ZNF28: variants seen among roughly 807,000 people sequenced by gnomAD.
ZNF28 encodes zinc finger protein 28, also known as zinc finger protein KOX24.
A neutral mutation model predicts 7.2 loss-of-function variants in ZNF28; 5 were observed. That is an observed-to-expected ratio of 0.70 (90% CI 0.36 to 1.46). ZNF28 has a LOEUF of 1.46. Among genes scored for constraint, ZNF28 ranks in the 40% most tolerant of loss-of-function variants. The probability of loss-of-function intolerance (pLI) is 0.03; values close to 1 mark genes in which losing one functional copy is unlikely to be tolerated. For missense variants in ZNF28, 879 were observed against 866.6 expected (o/e 1.01, Z -0.18); for synonymous variants, 288 against 292.4 (o/e 0.99, Z 0.15).
chr19:52,820,506 C>T (rs1334978758), intron 1 of ZNF28, among the ~76,000 whole-genome samples: 2 of 152,072 alleles, frequency 1.3e-5, no homozygotes, highest in African/African-American at 2.4e-5. Context: ...TCTCTGCTCT[C>T]CCTGTTAAAT....
chr19:52,799,218 AT>A lies in ZNF28; in HGVS notation c.*469del. 2.6e-6 allele frequency: 1 copy of A among 390,086 alleles called. No homozygotes were observed. The highest frequency in any genetic ancestry group is 5.0e-6 in the Non-Finnish European group (1 of 201,070). The allele number at this position is 390,086 out of a possible 1,614,324, so 24.2% of individuals were successfully genotyped here. On this transcript the variant is annotated 3_prime_UTR_variant, in exon 4 of 4. Transcript: ENST00000457749. ...CTCTCCAATACGAATTGCCTTTTGAATTACAAGGTATGAATTTTGACCAAAG... is the reference window on the plus strand; with the variant it reads ...CTCTCCAATACGAATTGCCTTTTGAATACAAGGTATGAATTTTGACCAAAG...
chr19:52,815,234 G>C (rs1274137275), intron 2 of ZNF28, among the ~76,000 whole-genome samples: 2 of 145,150 alleles, frequency 1.4e-5, no homozygotes, highest in African/African-American at 2.7e-5. Context: ...TAACTATTGG[G>C]CCCGGGCACA....
rs7257656 is a variant in ZNF28 at position 52,808,142 on chromosome 19, G to A, written c.16-9C>T. 0.89 allele frequency: 1,441,961 copies of A among 1,611,984 alleles called. 646,636 individuals are homozygous for A. The highest frequency in any genetic ancestry group is 0.93 in the East Asian group (41,515 of 44,806). ...CTGAATGTCAATAGACCCTGAAATGGAAACACATTTTAACCAAATGGTTAT... is the reference window on the plus strand; with the variant it reads ...CTGAATGTCAATAGACCCTGAAATGAAAACACATTTTAACCAAATGGTTAT... On this transcript the variant is annotated splice_polypyrimidine_tract_variant and intron_variant, in intron 2 of 3. Transcript: ENST00000457749.
At chr19:52,806,967 T>C (rs1323194129) in intron 3 of ZNF28, among the ~76,000 whole-genome samples, 1 of 152,144 alleles carries the variant, frequency 6.6e-6, no homozygotes, top group Non-Finnish European at 1.5e-5. Context: ...AAGAAAGATA[T>C]CTTTTCAGAG....
intron 3 of ZNF28, chr19:52,805,367 A>G (rs1363697274): frequency 6.6e-6 from 1 of 150,404 alleles, no homozygotes; most frequent in Admixed American, 6.6e-5. Context: ...GTTCACGCCA[A>G]TAATCCCAGC....
Position 52,800,428 on chromosome 19 carries a change from C to T in ZNF28, c.1417G>A (p.Asp473Asn). 1.2e-6 allele frequency: 2 copies of T among 1,613,398 alleles called. No homozygotes were observed. Among genetic ancestry groups the T allele is most frequent in the Non-Finnish European group, 8.5e-7 (1 of 1,179,720 alleles). ...AEKPYKCEEC[D>N]KVFRCKSHLE... is the part of the protein sequence containing the mutation. ...TGTGATTTGCACCTGAAAACTTTGT[C>T]ACATTCTTCACATTTGTATGGTTTC... is the stretch of plus-strand genomic sequence containing the variant. Residue 473 changes from aspartate to asparagine, a missense_variant, in exon 4 of 4, where the codon GAC (aspartate) becomes AAC (asparagine). Physicochemically the swap from Asp to Asn is conservative, Grantham distance 23. This residue lies in a region of ZNF28 where 864 missense variants were observed against 830.2 expected (regional missense o/e 1.04). Coordinates refer to ENST00000457749, the MANE Select transcript of ZNF28 (RefSeq NM_006969.5).
Position 52,799,007 on chromosome 19 carries a change from ACC to A in ZNF28, c.*679_*680del. On this transcript the variant is annotated 3_prime_UTR_variant, in exon 4 of 4. Coordinates refer to ENST00000457749, the MANE Select transcript of ZNF28 (RefSeq NM_006969.5). ...ATCACTCCCAAAAGCCTTGTTACAAACCTTACATTTGTATGTTTTTTCTCCAG... is the reference window on the plus strand; with the variant it reads ...ATCACTCCCAAAAGCCTTGTTACAAATTACATTTGTATGTTTTTTCTCCAG... 2 of 825,326 alleles carry A rather than the reference ACC, an allele frequency of 2.4e-6. No homozygotes were observed. Among genetic ancestry groups the A allele is most frequent in the Non-Finnish European group, 1.8e-6 (1 of 545,976 alleles). The allele number at this position is 825,326 out of a possible 1,614,324, so 51.1% of individuals were successfully genotyped here.
rs753506005 is a variant in ZNF28 at position 52,801,215 on chromosome 19, C to G, written c.630G>C (p.Met210Ile). 2.5e-6 allele frequency: 4 copies of G among 1,614,140 alleles called. No homozygotes were observed. The South Asian group carries it at 4.4e-5, about 18-fold the overall frequency. ...CAATACATTGGAAAGATTTTTCTCT[C>G]ATGTGTACATTCCGTTTTTGTGTGA... Reference protein sequence around the residue: ...SLLTQKRNVHMREKSFQCIES... With the variant: ...SLLTQKRNVHIREKSFQCIES... The change falls in exon 4 of 4, where the codon ATG becomes ATC. Residue 210 changes from methionine to isoleucine, a missense_variant. Physicochemically the swap from Met to Ile is conservative, Grantham distance 10. This residue lies in a region of ZNF28 where 864 missense variants were observed against 830.2 expected (regional missense o/e 1.04). Transcript: ENST00000457749.
rs2063105818 is a variant in ZNF28, at chr19:52,815,111, A to C, written c.15+2833T>G. Among the ~76,000 whole-genome samples, 2 of 144,182 alleles carry C rather than the reference A, an allele frequency of 1.4e-5. 1 individual carries two copies. The highest frequency in any genetic ancestry group is 3.0e-5 in the Non-Finnish European group (2 of 67,320). The allele number at this position is 144,182 out of a possible 152,430, so 94.6% of individuals were successfully genotyped here. A position where few individuals can be genotyped will look rare whatever the true frequency, so the allele number is the denominator to read the frequency against. On this transcript the variant is annotated intron_variant, in intron 2 of 3. Coordinates refer to ENST00000457749, the MANE Select transcript of ZNF28 (RefSeq NM_006969.5). ...TGTGTATATATATATTTATATATAT[A>C]TATAAAGGTTTTTAAAATATAAAAA... is the stretch of plus-strand genomic sequence containing the variant.
At chr19:52,809,772 T>C (rs2062989439) in intron 2 of ZNF28, 1 of 490,720 alleles carries the variant, frequency 2.0e-6, no homozygotes, top group Non-Finnish European at 3.6e-6. Context: ...GCCACTTCAC[T>C]GCAGCCTGGG....
intron 2 of ZNF28, among the ~76,000 whole-genome samples, chr19:52,809,234 G>A (rs200306738): frequency 6.6e-6 from 1 of 152,146 alleles, no homozygotes; most frequent in Non-Finnish European, 1.5e-5. Context: ...CTGGAGGAAT[G>A]TTCAGATATC....
rs1345158371 is a variant in ZNF28, at chr19:52,812,468, C to G, written c.16-4335G>C. ...ATCCTGTTGATCTGTGACCTTATCCCCAACCCTGTGCTCTCTGAAACATGT... is the reference window on the plus strand; with the variant it reads ...ATCCTGTTGATCTGTGACCTTATCCGCAACCCTGTGCTCTCTGAAACATGT... On this transcript the variant is annotated intron_variant, in intron 2 of 3. Coordinates refer to ENST00000457749, the MANE Select transcript of ZNF28 (RefSeq NM_006969.5). 1.1e-4 allele frequency among the ~76,000 whole-genome samples: 14 copies of G among 122,532 alleles called. No homozygotes were observed. The East Asian group carries it at 2.8e-3, about 25-fold the overall frequency. 80.4% of individuals were successfully genotyped at this position (122,532 alleles called of 152,430 possible).
In ZNF28 at chr19:52,800,854, C is replaced by T; in HGVS notation, c.991G>A (p.Val331Ile). 1 of 1,614,048 alleles carries T rather than the reference C, an allele frequency of 6.2e-7. No homozygotes were observed. The highest frequency in any genetic ancestry group is 8.5e-7 in the Non-Finnish European group (1 of 1,179,960). ...TTACATGTGAAAGCTTTGTCACAAACCTTACATTTGTATGGTTTCCCTCCA... is the reference window on the plus strand; with the variant it reads ...TTACATGTGAAAGCTTTGTCACAAATCTTACATTTGTATGGTTTCCCTCCA... Reference protein sequence around the residue: ...YTGGKPYKCKVCDKAFTCNSY... With the variant: ...YTGGKPYKCKICDKAFTCNSY... The change falls in exon 4 of 4, where the codon GTT (valine) becomes ATT (isoleucine). Residue 331 changes from valine (V) to isoleucine (I), a missense_variant. Coordinates refer to ENST00000457749, the MANE Select transcript of ZNF28 (RefSeq NM_006969.5).
chr19:52,811,834 A>G (rs1413215126), intron 2 of ZNF28, among the ~76,000 whole-genome samples: 1 of 126,268 alleles, frequency 7.9e-6, no homozygotes, highest in Non-Finnish European at 1.7e-5. Context: ...GGCCGCCCCT[A>G]CTGGGAAGTG....
Position 52,801,220 on chromosome 19 carries a change from G to C in ZNF28, c.625C>G (p.His209Asp). ...CATTGGAAAGATTTTTCTCTCATGT[G>C]TACATTCCGTTTTTGTGTGAGTAAT... ...SSLLTQKRNV[H>D]MREKSFQCIE... Residue 209 changes from histidine to aspartate, a missense_variant, in exon 4 of 4, where the codon CAC becomes GAC. Physicochemically the swap from His to Asp is moderately conservative, Grantham distance 81. Coordinates refer to ENST00000457749, the MANE Select transcript of ZNF28 (RefSeq NM_006969.5). 1 of 1,614,018 alleles carries C rather than the reference G, an allele frequency of 6.2e-7. No individual in the cohort carries two copies. Among genetic ancestry groups the C allele is most frequent in the South Asian group, 1.1e-5 (1 of 91,036 alleles).
At chr19:52,804,029 T>C (rs979960392) in intron 3 of ZNF28, among the ~76,000 whole-genome samples, 1 of 152,206 alleles carries the variant, frequency 6.6e-6, no homozygotes, top group African/African-American at 2.4e-5. Context: ...TAATAGGATG[T>C]TCCTGCAGAT....
chr19:52,810,777 A>C lies in ZNF28; in HGVS notation c.16-2644T>G, dbSNP rs552986610. ...GGGGAAAAAAAAAGAATAAAAAAAAACCCAAAAAAAACAGAAGATGACCTT... is the reference window on the plus strand; with the variant it reads ...GGGGAAAAAAAAAGAATAAAAAAAACCCCAAAAAAAACAGAAGATGACCTT... On this transcript the variant is annotated intron_variant, in intron 2 of 3. Transcript: ENST00000457749. 1.4e-3 allele frequency: 680 copies of C among 499,256 alleles called. 14 individuals are homozygous for C. Among genetic ancestry groups the C allele is most frequent in the South Asian group, 8.1e-3 (350 of 43,130 alleles). The allele number at this position is 499,256 out of a possible 1,614,324, so 30.9% of individuals were successfully genotyped here.
intron 1 of ZNF28, among the ~76,000 whole-genome samples, chr19:52,818,582 C>T (rs2063156315): frequency 6.6e-6 from 1 of 152,038 alleles, no homozygotes. Flanking sequence ...GCTTGATGCG[C>T]ATCTGTAATC....
intron 3 of ZNF28, among the ~76,000 whole-genome samples, chr19:52,803,015 C>T (rs980016943): frequency 6.6e-6 from 1 of 152,022 alleles, no homozygotes; most frequent in South Asian, 2.1e-4. Context: ...CTTGCCTCAG[C>T]CTCCCAAAGT....
Sources: gnomAD v4.1 joint callset for allele counts (sites outside exome capture counted in the v4.1 genomes callset) on GRCh38, gnomAD v4.1.1 for gene constraint, gnomAD v4.1.1 regional missense constraint, MANE v1.5 for transcripts, NCBI Gene and HGNC (gene_info 2026-07-23, HGNC 2026-07-21) for gene names.